NONO: variants seen among roughly 807,000 people sequenced by gnomAD.
The protein encoded by NONO is non-POU domain-containing octamer-binding protein.
Under a neutral mutation model 40.2 loss-of-function variants are expected in NONO, and 6 were observed. That is an observed-to-expected ratio of 0.15 (90% CI 0.08 to 0.29). The LOEUF (loss-of-function observed/expected upper bound fraction) is 0.29, where lower values mean the gene tolerates loss of function less well. NONO is among the 10% of genes least tolerant of loss of function. The probability of loss-of-function intolerance (pLI) is 1.00; values close to 1 mark genes in which losing one functional copy is unlikely to be tolerated. For synonymous variants in NONO, 89 were observed against 123.3 expected, an observed-to-expected ratio of 0.72 and a Z score of 1.85; for missense variants, 133 against 397.8, an observed-to-expected ratio of 0.33 and a Z score of 5.66.
rs957257372 is a variant in NONO at position 71,293,092 on chromosome X, A to T, written c.348+1120A>T. 3.5e-5 allele frequency: 4 copies of T among 112,871 alleles called. No homozygotes were observed. The Admixed American group carries it at 3.8e-4, about 11-fold the overall frequency. The allele number at this position is 112,871 out of a possible 1,213,427, so 9.3% of individuals were successfully genotyped here. A position where few individuals can be genotyped will look rare whatever the true frequency, so the allele number is the denominator to read the frequency against. On this transcript the variant is annotated intron_variant, in intron 4 of 11. Transcript: ENST00000276079. The stretch of plus-strand genomic sequence containing the variant: ...AGGAAAACATTTCTAGACATTATCT[A>T]CCTCCATAAATGGAAGAGAATAATG...
In NONO at chrX:71,291,273, A is replaced by G. The variant is rs376816221; in HGVS notation, c.154+482A>G. 4.5e-5 allele frequency among the ~76,000 whole-genome samples: 5 copies of G among 112,046 alleles called. No homozygotes were observed. The East Asian group carries it at 8.3e-4, about 19-fold the overall frequency. On this transcript the variant is annotated intron_variant, in intron 3 of 11. Transcript: ENST00000276079. ...ACCAATCCCAACTTTGTTTATTTCC[A>G]GAGATTACTATAAAGAGTTGCTCTT...
intron 2 of NONO, among the ~76,000 whole-genome samples, chrX:71,289,482 G>C (rs1023297081): frequency 9.0e-6 from 1 of 110,829 alleles, no homozygotes; most frequent in Non-Finnish European, 1.9e-5. Flanking sequence ...TAGTAGAGAC[G>C]GGGTTTCACC....
chrX:71,294,687 G>T (rs1189999378), intron 5 of NONO, among the ~76,000 whole-genome samples, 159 bp downstream of exon 5: 9 of 112,236 alleles, frequency 8.0e-5, no homozygotes, highest in East Asian at 2.8e-4. Context: ...GGAGGCCGGG[G>T]CAGGCGGATC....
intron 2 of NONO, among the ~76,000 whole-genome samples, chrX:71,286,029 C>T (rs1297627345): frequency 8.9e-6 from 1 of 111,963 alleles, no homozygotes; most frequent in Non-Finnish European, 1.9e-5. Context: ...AACATGTTAA[C>T]AGTGACTATT....
At chrX:71,299,046 C>T (rs749895510) in intron 11 of NONO, among the ~76,000 whole-genome samples, 111 of 111,403 alleles carry the variant, frequency 1.0e-3, no homozygotes, top group African/African-American at 3.5e-3. Context: ...CTCAGCCTCC[C>T]GAGTAGCTGG....
At chrX:71,286,815 T>C (rs1482867399) in intron 2 of NONO, among the ~76,000 whole-genome samples, 1 of 112,051 alleles carries the variant, frequency 8.9e-6, no homozygotes, top group Non-Finnish European at 1.9e-5. Context: ...ATTTTAAAAT[T>C]ATTAGGATAA....
In NONO at chrX:71,300,856, TA is replaced by T. The variant is rs890401869; in HGVS notation, c.*789del. 9 of 157,285 alleles carry T rather than the reference TA, an allele frequency of 5.7e-5. No homozygotes were observed. The highest frequency in any genetic ancestry group is 9.4e-5 in the East Asian group (1 of 10,646). 13.0% of individuals were successfully genotyped at this position (157,285 alleles called of 1,213,427 possible). A position where few individuals can be genotyped will look rare whatever the true frequency, so the allele number is the denominator to read the frequency against. On this transcript the variant is annotated 3_prime_UTR_variant, in exon 12 of 12. Transcript: ENST00000276079. ...AGAGATTTTCATTTTAGTGTATCTT[TA>T]AAAAAAAATCTTGTGTTAACTTGCC...
At chrX:71,297,265 A>T (rs1162072002) in intron 7 of NONO, 112 bp from the exon 8 acceptor site, 1 of 776,200 alleles carries the variant, frequency 1.3e-6, no homozygotes, top group Admixed American at 3.2e-5. Context: ...TGGACACCAC[A>T]GGTGGTTCCA....
rs183842284 is a variant in NONO at position 71,293,910 on chromosome X, G to A, written c.349-317G>A. 1.2e-4 allele frequency: 28 copies of A among 241,970 alleles called. No individual in the cohort carries two copies. The East Asian group carries it at 1.2e-3, about 10-fold the overall frequency. The allele number at this position is 241,970 out of a possible 1,213,427, so 19.9% of individuals were successfully genotyped here. ...CTCCCAAAATTCTGGGATTACAGGC[G>A]TGAGCCACCGTACCCGGCCAATGGT... On this transcript the variant is annotated intron_variant, in intron 4 of 11. Transcript: ENST00000276079.
At chrX:71,292,684 G>C (rs2031352788) in intron 4 of NONO, 1 of 111,829 alleles carries the variant, frequency 8.9e-6, no homozygotes, top group South Asian at 3.7e-4. Flanking sequence ...TGTTGCCTTG[G>C]CTAGACTTGA....
chrX:71,291,694 C>T (rs1602386343), intron 3 of NONO, 85 bp from the exon 4 acceptor site: 1 of 711,719 alleles, frequency 1.4e-6, no homozygotes, highest in East Asian at 3.6e-5. Context: ...AATGTTTCCT[C>T]ATTTATCAGT....
At chrX:71,298,377 C>T in intron 9 of NONO, 92 bp from the exon 10 acceptor site, 3 of 768,846 alleles carry the variant, frequency 3.9e-6, no homozygotes, top group Non-Finnish European at 6.1e-6. Context: ...CGTGTTATCA[C>T]TCTATCTACT....
In NONO at chrX:71,299,909, C is replaced by G. The variant is rs770397500; in HGVS notation, c.1282-33C>G. 7.5e-6 allele frequency: 9 copies of G among 1,206,996 alleles called. No individual in the cohort carries two copies. In the South Asian group the frequency reaches 1.4e-4, roughly 19 times the overall value. On this transcript the variant is annotated intron_variant, in intron 11 of 11. Transcript: ENST00000276079. ...GGGTGGGAAGCTTCCAACAATGGCT[C>G]TGTTACAGTGTTGCTCTCTTTTTCT...
At chrX:71,290,013 C>T (rs1277698614) in intron 2 of NONO, among the ~76,000 whole-genome samples, 1 of 110,654 alleles carries the variant, frequency 9.0e-6, no homozygotes, top group Non-Finnish European at 1.9e-5. Flanking sequence ...GTGATCCACC[C>T]ACCTTGGCCT....
At chrX:71,295,664 G>A (rs1395697701) in intron 5 of NONO, among the ~76,000 whole-genome samples, 2 of 107,966 alleles carry the variant, frequency 1.9e-5, no homozygotes, top group Non-Finnish European at 3.8e-5. Flanking sequence ...GGTGGTGGGC[G>A]CCTGTGATCC....
Position 71,290,741 on chromosome X carries a change from A to C in NONO, c.104A>C (p.Gln35Pro), listed in dbSNP as rs767664432. ...QQQHHQQQQQQPPPPPIPANG... is the reference protein window; with the variant it reads ...QQQHHQQQQQPPPPPPIPANG... ...CAGCACCACCAGCAGCAACAGCAGC[A>C]GCCGCCACCACCGCCAATACCTGCA... The change falls in exon 3 of 12, where the codon CAG becomes CCG. Residue 35 changes from glutamine to proline, a missense_variant. By Grantham distance (76) the Gln-to-Pro change is moderately conservative. This residue lies in a region of NONO where 28 missense variants were observed against 29.5 expected (regional missense o/e 0.95). Transcript: ENST00000276079. 4 of 1,189,230 alleles carry C rather than the reference A, an allele frequency of 3.4e-6. No homozygotes were observed. Among genetic ancestry groups the C allele is most frequent in the Non-Finnish European group, 3.4e-6 (3 of 880,697 alleles).
chrX:71,297,308 T>G, intron 7 of NONO, 69 bp from the exon 8 acceptor site: 1 of 993,938 alleles, frequency 1.0e-6, no homozygotes, highest in Non-Finnish European at 1.4e-6. Context: ...TTCTGGATCT[T>G]TATTTGAAGA....
At chrX:71,287,237 T>C (rs375764174) in intron 2 of NONO, among the ~76,000 whole-genome samples, 80 of 108,815 alleles carry the variant, frequency 7.4e-4, no homozygotes, top group African/African-American at 2.4e-3. Flanking sequence ...CCCACCACCA[T>C]GCCCAGCTAA....
rs2031481978 is a variant in NONO, at chrX:71,297,627, T to C, written c.1028+166T>C. On this transcript the variant is annotated intron_variant, in intron 8 of 11. Transcript: ENST00000276079. The stretch of plus-strand genomic sequence containing the variant: ...TTGGAGATGTTTTAGCTGCCCATGG[T>C]CCTAGAAGTTACCTGCTAAAAAGAA... 3 of 496,245 alleles carry C rather than the reference T, an allele frequency of 6.0e-6. No individual in the cohort carries two copies. In the Admixed American group the frequency reaches 1.2e-4, roughly 20 times the overall value. 40.9% of individuals were successfully genotyped at this position (496,245 alleles called of 1,213,427 possible).
Sources: gnomAD v4.1 joint callset for allele counts (sites outside exome capture counted in the v4.1 genomes callset) on GRCh38, gnomAD v4.1.1 for gene constraint, gnomAD v4.1.1 regional missense constraint, MANE v1.5 for transcripts, NCBI Gene and HGNC (gene_info 2026-07-23, HGNC 2026-07-21) for gene names.